The following SPSB4 variants were observed in gnomAD, a reference collection of about 807,000 sequenced individuals.
SPSB4 encodes the protein SPRY domain-containing SOCS box protein 4.
In SPSB4, 21 loss-of-function variants were observed where a neutral mutation model predicts 20.9. The observed-to-expected ratio is 1.01, with a 90% confidence interval of 0.71 to 1.45. SPSB4 has a LOEUF of 1.45. SPSB4 is among the 40% of genes most tolerant of loss of function. The pLI is 0.00. For missense variants in SPSB4, 399 were observed against 399.2 expected (o/e 1.00, Z 0.00); for synonymous variants, 207 against 183.8 (o/e 1.13, Z -1.02).
chr3:141,101,078 G>C (rs1451577050), intron 2 of SPSB4, among the ~76,000 whole-genome samples: 1 of 152,212 alleles, frequency 6.6e-6, no homozygotes, highest in Admixed American at 6.5e-5. Context: ...ATGGAAGGAT[G>C]TGGTACGAGT....
intron 2 of SPSB4, among the ~76,000 whole-genome samples, chr3:141,098,476 C>T (rs756273685): frequency 6.6e-6 from 1 of 152,058 alleles, no homozygotes; most frequent in Non-Finnish European, 1.5e-5. Flanking sequence ...TTTTTTCTTA[C>T]AAGTCTTACA....
In SPSB4 at chr3:141,127,307, C is replaced by T. The variant is rs201050405; in HGVS notation, c.695-19835C>T. Among the ~76,000 whole-genome samples, 8 of 152,340 alleles carry T rather than the reference C, an allele frequency of 5.3e-5. No individual in the cohort carries two copies. In the East Asian group the frequency reaches 1.5e-3, roughly 29 times the overall value. On this transcript the variant is annotated intron_variant, in intron 2 of 2. Transcript: ENST00000310546. ...GGTTCAGGTCTCCAGACCCCTTGTTCTTTTGACAGTGCTAGTGTGAGCCCA... is the reference window on the plus strand; with the variant it reads ...GGTTCAGGTCTCCAGACCCCTTGTTTTTTTGACAGTGCTAGTGTGAGCCCA...
At chr3:141,146,705 C>T (rs1204031884) in intron 2 of SPSB4, among the ~76,000 whole-genome samples, 1 of 150,346 alleles carries the variant, frequency 6.7e-6, no homozygotes, top group Admixed American at 6.6e-5. Flanking sequence ...ACCCAGGAGG[C>T]GGAGCTTGCA....
At chr3:141,141,813 A>G (rs1169875662) in intron 2 of SPSB4, among the ~76,000 whole-genome samples, 1 of 151,932 alleles carries the variant, frequency 6.6e-6, no homozygotes, top group Non-Finnish European at 1.5e-5. Flanking sequence ...TCTCCTTTAA[A>G]TTTTCTAGTT....
At chr3:141,095,024 A>G (rs1434468763) in intron 2 of SPSB4, among the ~76,000 whole-genome samples, 2 of 152,076 alleles carry the variant, frequency 1.3e-5, no homozygotes, top group Non-Finnish European at 2.9e-5. Flanking sequence ...GCATTGTATC[A>G]TATGAGAGAA....
chr3:141,085,967 A>T (rs1247169639), intron 2 of SPSB4, among the ~76,000 whole-genome samples: 1 of 152,238 alleles, frequency 6.6e-6, no homozygotes, highest in East Asian at 1.9e-4. Flanking sequence ...TCCTTAAGGC[A>T]TCCATTGCCC....
chr3:141,120,099 A>T (rs1342121230), intron 2 of SPSB4, among the ~76,000 whole-genome samples: 1 of 152,124 alleles, frequency 6.6e-6, no homozygotes, highest in Non-Finnish European at 1.5e-5. Context: ...TGTCCCAGAG[A>T]TTCTGGTACA....
At chr3:141,126,396 A>AGGAATG (rs1391286539) in intron 2 of SPSB4, among the ~76,000 whole-genome samples, 2 of 152,130 alleles carry the variant, frequency 1.3e-5, no homozygotes, top group Non-Finnish European at 2.9e-5. Context: ...GAGAAGACGG[A>AGGAATG]GCAGCCTGTT....
At chr3:141,124,652 G>A (rs1414491915) in intron 2 of SPSB4, among the ~76,000 whole-genome samples, 1 of 152,204 alleles carries the variant, frequency 6.6e-6, no homozygotes. Context: ...CTTGGGGGTA[G>A]ATTGGGCTTG....
At chr3:141,058,640 A>T (rs1937703785) in intron 1 of SPSB4, among the ~76,000 whole-genome samples, 1 of 152,124 alleles carries the variant, frequency 6.6e-6, no homozygotes, top group Admixed American at 6.5e-5. Context: ...GGCTGGAGAG[A>T]GAAGGCAGGG....
At chr3:141,104,589 C>G (rs1021955887) in intron 2 of SPSB4, among the ~76,000 whole-genome samples, 2 of 152,172 alleles carry the variant, frequency 1.3e-5, no homozygotes, top group African/African-American at 4.8e-5. Flanking sequence ...GAATGAAAGG[C>G]TGCCAGACCT....
intron 2 of SPSB4, among the ~76,000 whole-genome samples, chr3:141,141,059 G>A (rs368148497): frequency 2.2e-4 from 34 of 151,284 alleles, no homozygotes; most frequent in Non-Finnish European, 3.2e-4. Context: ...CCTCGCTGCC[G>A]CCTTGCAGTT....
chr3:141,072,996 G>T (rs147579257), intron 2 of SPSB4, among the ~76,000 whole-genome samples: 150 of 152,224 alleles, frequency 9.9e-4, no homozygotes, highest in African/African-American at 3.5e-3. Context: ...CTTAGCAGTC[G>T]CATGGGTCCA....
At chr3:141,101,879 A>G (rs1412493916) in intron 2 of SPSB4, among the ~76,000 whole-genome samples, 1 of 152,204 alleles carries the variant, frequency 6.6e-6, no homozygotes, top group Non-Finnish European at 1.5e-5. Flanking sequence ...GGAGACTTGT[A>G]GGTTTCCCTG....
At chr3:141,088,350 AG>A (rs1938390016) in intron 2 of SPSB4, among the ~76,000 whole-genome samples, 1 of 152,250 alleles carries the variant, frequency 6.6e-6, no homozygotes, top group African/African-American at 2.4e-5. Context: ...TGGCAGGATA[AG>A]ACGTGAATTT....
intron 2 of SPSB4, among the ~76,000 whole-genome samples, chr3:141,109,229 A>T (rs539192223): frequency 6.6e-6 from 1 of 152,032 alleles, no homozygotes; most frequent in Non-Finnish European, 1.5e-5. Context: ...GCAGCAGTCC[A>T]CTCACACCTT....
chr3:141,134,394 T>C (rs1939191306), intron 2 of SPSB4, among the ~76,000 whole-genome samples: 1 of 152,164 alleles, frequency 6.6e-6, no homozygotes, highest in Non-Finnish European at 1.5e-5. Context: ...TGTCTCGTTC[T>C]AGTTCTCAGG....
At chr3:141,092,390 C>T (rs1271635510) in intron 2 of SPSB4, among the ~76,000 whole-genome samples, 1 of 152,232 alleles carries the variant, frequency 6.6e-6, no homozygotes, top group African/African-American at 2.4e-5. Context: ...AAGCCCTTCT[C>T]CTTCACTAAC....
At chr3:141,137,296 T>A (rs925447267) in intron 2 of SPSB4, among the ~76,000 whole-genome samples, 3 of 152,204 alleles carry the variant, frequency 2.0e-5, no homozygotes, top group Non-Finnish European at 4.4e-5. Context: ...ACAGGGACAA[T>A]TTGACTTCCT....
Sources: allele counts gnomAD v4.1 joint callset (sites outside exome capture counted in the v4.1 genomes callset), GRCh38; gene constraint gnomAD v4.1.1; transcripts MANE v1.5; gene names NCBI Gene and HGNC (gene_info 2026-07-23, HGNC 2026-07-21).